The following TAPBPL variants were observed in gnomAD, a reference collection of about 807,000 sequenced individuals.
TAPBPL encodes TAP binding protein like, also known as tapasin-related protein.
In TAPBPL, 32 loss-of-function variants were observed where a neutral mutation model predicts 44.8. That is an observed-to-expected ratio of 0.71 (90% CI 0.54 to 0.96). The LOEUF (loss-of-function observed/expected upper bound fraction) is 0.96. Ranked by LOEUF, TAPBPL falls within the 40% of genes least tolerant of loss-of-function variation. TAPBPL has a pLI of 0.00. For missense variants in TAPBPL, 520 were observed against 586.6 expected (o/e 0.89, Z 1.17); for synonymous variants, 230 against 240.7 (o/e 0.96, Z 0.41).
downstream of TAPBPL, chr12:6,470,447 G>C: frequency 6.3e-7 from 1 of 1,596,870 alleles, no homozygotes; most frequent in Non-Finnish European, 8.6e-7. Context: ...GCTGCATTGC[G>C]CCATTTTCCG....
Sources: gnomAD v4.1 joint callset for allele counts on GRCh38, gnomAD v4.1.1 for gene constraint, MANE v1.5 for transcripts, NCBI Gene and HGNC (gene_info 2026-07-23, HGNC 2026-07-21) for gene names.